BMPER: variants seen among roughly 807,000 people sequenced by gnomAD.
BMPER encodes the protein BMP binding endothelial regulator, also known as BMP-binding endothelial regulator protein.
In BMPER, 45 loss-of-function variants were observed where a neutral mutation model predicts 87.3. The ratio of observed to expected loss-of-function variants is 0.52; its 90% CI spans 0.41 to 0.66. The LOEUF is 0.66. Ranked by LOEUF, BMPER falls within the 30% of genes least tolerant of loss-of-function variation. The pLI, the probability that BMPER is intolerant of heterozygous loss-of-function variation, is 0.00. For missense variants in BMPER, 784 were observed against 867.5 expected, an observed-to-expected ratio of 0.90 and a Z score of 1.21; for synonymous variants, 326 against 316.2, an observed-to-expected ratio of 1.03 and a Z score of -0.33.
At chr7:33,905,483 G>T, upstream of BMPER, 1 of 1,001,320 alleles carries the variant, frequency 1.0e-6, no homozygotes, top group Non-Finnish European at 1.3e-6. Flanking sequence ...GCTCTCGGGC[G>T]CCCGCCTCCC....
At chr7:34,020,967 A>G (rs1048787756) in intron 6 of BMPER, among the ~76,000 whole-genome samples, 41 of 151,918 alleles carry the variant, frequency 2.7e-4, no homozygotes, top group African/African-American at 9.9e-4. Flanking sequence ...ATAAAAGGTT[A>G]GTTTAAGTGG....
intron 7 of BMPER, among the ~76,000 whole-genome samples, chr7:34,050,518 T>C (rs555076403): frequency 2.6e-5 from 4 of 152,334 alleles, no homozygotes; most frequent in African/African-American, 9.6e-5. Context: ...TGACTCCTAC[T>C]AACAGTTATT....
chr7:34,105,368 G>A (rs1171325022), intron 13 of BMPER, among the ~76,000 whole-genome samples: 1 of 152,190 alleles, frequency 6.6e-6, no homozygotes, highest in East Asian at 1.9e-4. Flanking sequence ...CTTAGGAAAG[G>A]TCTAAGAAGA....
In BMPER at chr7:33,946,833, C is replaced by G. The variant is rs1417171131; in HGVS notation, c.319+9445C>G. Among the ~76,000 whole-genome samples, 3 of 152,322 alleles carry G rather than the reference C, an allele frequency of 2.0e-5. No individual in the cohort carries two copies. The East Asian group carries it at 5.8e-4, about 29-fold the overall frequency. ...CTTAGAAAGGCTTTGTGTGTGCATGCATTTGCGTTCCTGTTTTCTTTAATT... is the reference window on the plus strand; with the variant it reads ...CTTAGAAAGGCTTTGTGTGTGCATGGATTTGCGTTCCTGTTTTCTTTAATT... On this transcript the variant is annotated intron_variant, in intron 3 of 14. Coordinates refer to ENST00000649409, the MANE Select transcript of BMPER (RefSeq NM_001365308.1).
At chr7:33,998,279 A>T (rs1786475401) in intron 6 of BMPER, among the ~76,000 whole-genome samples, 1 of 152,224 alleles carries the variant, frequency 6.6e-6, no homozygotes, top group Non-Finnish European at 1.5e-5. Flanking sequence ...TACCTTGCTT[A>T]GTTTGGAAAA....
chr7:34,085,718 T>C, intron 12 of BMPER, 38 bp from the exon 13 acceptor site: 3 of 1,544,902 alleles, frequency 1.9e-6, no homozygotes, highest in Non-Finnish European at 2.7e-6. Context: ...AGTGCGTTAA[T>C]GAGTGATTGA....
intron 14 of BMPER, among the ~76,000 whole-genome samples, chr7:34,150,901 A>G (rs1475834581): frequency 6.6e-6 from 1 of 152,210 alleles, no homozygotes; most frequent in East Asian, 1.9e-4. Flanking sequence ...TGATGACTAC[A>G]ATTTCATGTT....
At chr7:33,986,480 A>G (rs868512462) in intron 6 of BMPER, among the ~76,000 whole-genome samples, 36 of 152,240 alleles carry the variant, frequency 2.4e-4, no homozygotes, top group African/African-American at 8.2e-4. Context: ...TATACAATCT[A>G]GAACTTTTCT....
chr7:33,967,467 T>C (rs1326084700), intron 4 of BMPER, among the ~76,000 whole-genome samples: 1 of 152,246 alleles, frequency 6.6e-6, no homozygotes, highest in African/African-American at 2.4e-5. Flanking sequence ...ATTCCTATTA[T>C]ATGCCATGAT....
chr7:34,059,658 C>G (rs1264747058), intron 10 of BMPER, among the ~76,000 whole-genome samples: 1 of 149,860 alleles, frequency 6.7e-6, no homozygotes. Flanking sequence ...AGCAGGAGGT[C>G]TTTGGAAGAT....
chr7:34,112,750 CT>C (rs978527512), intron 13 of BMPER, among the ~76,000 whole-genome samples: 37 of 151,340 alleles, frequency 2.4e-4, no homozygotes, highest in African/African-American at 8.5e-4. Context: ...TTTATTTTTT[CT>C]TTTTTTCTTC....
intron 12 of BMPER, among the ~76,000 whole-genome samples, chr7:34,082,904 T>C (rs1229729611): frequency 6.6e-6 from 1 of 152,234 alleles, no homozygotes; most frequent in African/African-American, 2.4e-5. Context: ...TCTTCAGAAT[T>C]ATGCTGTAAA....
At chr7:34,108,659 T>C (rs1194434483) in intron 13 of BMPER, among the ~76,000 whole-genome samples, 1 of 152,216 alleles carries the variant, frequency 6.6e-6, no homozygotes, top group Non-Finnish European at 1.5e-5. Context: ...AATGAAACTT[T>C]TTGGACTACA....
At chr7:33,928,470 T>G (rs1391787331) in intron 2 of BMPER, among the ~76,000 whole-genome samples, 4 of 150,292 alleles carry the variant, frequency 2.7e-5, no homozygotes, top group Non-Finnish European at 5.9e-5. Flanking sequence ...TTGGTGGTTG[T>G]TTTTTTTTGT....
chr7:34,035,980 C>T (rs1197124769), intron 6 of BMPER, among the ~76,000 whole-genome samples: 5 of 152,156 alleles, frequency 3.3e-5, no homozygotes, highest in Admixed American at 2.0e-4. Flanking sequence ...CAAAGGCCTC[C>T]GTTCGGCTTT....
intron 13 of BMPER, among the ~76,000 whole-genome samples, chr7:34,096,195 C>T (rs1185939552): frequency 1.3e-5 from 2 of 152,156 alleles, no homozygotes; most frequent in African/African-American, 4.8e-5. Context: ...CAGAGGTGGC[C>T]CTGTGTGGGC....
At chr7:34,088,836 C>T (rs906407941) in intron 13 of BMPER, among the ~76,000 whole-genome samples, 1 of 152,138 alleles carries the variant, frequency 6.6e-6, no homozygotes, top group Non-Finnish European at 1.5e-5. Flanking sequence ...GATGTCATCA[C>T]GGAGGACTGA....
rs189010571 is a variant in BMPER, at chr7:33,947,458, C to A, written c.319+10070C>A. Among the ~76,000 whole-genome samples, 12 of 151,994 alleles carry A rather than the reference C, an allele frequency of 7.9e-5. No homozygotes were observed. In the East Asian group the frequency reaches 1.7e-3, roughly 22 times the overall value. ...TTTATTTTCCATAACCTTTTCTTGTCTTTGATTTTTCTGTGTTTTGTCTTG... is the reference window on the plus strand; with the variant it reads ...TTTATTTTCCATAACCTTTTCTTGTATTTGATTTTTCTGTGTTTTGTCTTG... On this transcript the variant is annotated intron_variant, in intron 3 of 14. Transcript: ENST00000649409.
At chr7:34,030,415 C>G (rs1466270421) in intron 6 of BMPER, among the ~76,000 whole-genome samples, 1 of 152,080 alleles carries the variant, frequency 6.6e-6, no homozygotes, top group African/African-American at 2.4e-5. Context: ...AACACCATAT[C>G]CTGTATTTCC....
Sources: gnomAD v4.1 joint callset for allele counts (sites outside exome capture counted in the v4.1 genomes callset) on GRCh38, gnomAD v4.1.1 for gene constraint, MANE v1.5 for transcripts, NCBI Gene and HGNC (gene_info 2026-07-23, HGNC 2026-07-21) for gene names.